ERC1: variants seen among roughly 807,000 people sequenced by gnomAD.
ERC1 encodes ELKS/RAB6-interacting/CAST family member 1.
ERC1 carries 56 observed loss-of-function variants against 132.0 expected under a neutral mutation model. That is an observed-to-expected ratio of 0.42 (90% CI 0.34 to 0.53). The LOEUF (loss-of-function observed/expected upper bound fraction) is 0.53, where lower values mean the gene tolerates loss of function less well. Ranked by LOEUF, ERC1 falls within the 20% of genes least tolerant of loss-of-function variation. The pLI, the probability that ERC1 is intolerant of heterozygous loss-of-function variation, is 0.03. For synonymous variants in ERC1, 478 were observed against 476.1 expected (o/e 1.00, Z -0.05); for missense variants, 1,202 against 1,349.9 (o/e 0.89, Z 1.72).
At chr12:1,108,434 C>T (rs965526036) in intron 4 of ERC1, among the ~76,000 whole-genome samples, 1 of 152,178 alleles carries the variant, frequency 6.6e-6, no homozygotes, top group Non-Finnish European at 1.5e-5. Flanking sequence ...GCTGGAGATA[C>T]ACTTCCCTCT....
chr12:1,139,766 C>A (rs1593633433), intron 7 of ERC1, among the ~76,000 whole-genome samples: 7 of 144,242 alleles, frequency 4.9e-5, no homozygotes, highest in African/African-American at 2.6e-5. Context: ...GGGAGGAAAA[C>A]AAAACAAAAC....
At chr12:1,104,881 A>G in intron 4 of ERC1, 57 bp downstream of exon 4, 2 of 1,174,230 alleles carry the variant, frequency 1.7e-6, no homozygotes, top group South Asian at 1.2e-5. Context: ...TAAGTGATCA[A>G]AAACTTCCAT....
chr12:1,072,657 T>C (rs1940615469), intron 2 of ERC1, among the ~76,000 whole-genome samples: 1 of 152,150 alleles, frequency 6.6e-6, no homozygotes, highest in Non-Finnish European at 1.5e-5. Context: ...TTTGTTGTTG[T>C]TTTTATTTCC....
intron 18 of ERC1, among the ~76,000 whole-genome samples, chr12:1,447,094 A>G (rs576744507): frequency 6.6e-5 from 10 of 152,258 alleles, no homozygotes; most frequent in Admixed American, 2.0e-4. Flanking sequence ...TGATAACCAT[A>G]TACTAAAAAT....
rs115955939 is a variant in ERC1 at position 1,206,169 on chromosome 12, C to G, written c.2351+16117C>G. 1.7e-3 allele frequency among the ~76,000 whole-genome samples: 264 copies of G among 152,170 alleles called. 1 individual carries two copies. Among genetic ancestry groups the G allele is most frequent in the Admixed American group, 4.6e-3 (70 of 15,272 alleles). On this transcript the variant is annotated intron_variant, in intron 12 of 18. Transcript: ENST00000360905. ...TGTAGTATGCAAAAGTTTAAAGTCT[C>G]TCTTCATTCCAGATTATGATTTAGT... is the stretch of plus-strand genomic sequence containing the variant.
intron 1 of ERC1, chr12:998,483 G>A (rs1961423393): frequency 1.3e-5 from 2 of 152,210 alleles, no homozygotes; most frequent in Admixed American, 6.5e-5. Context: ...TGCTGGAGAG[G>A]TGAGTCCCTT....
At chr12:1,370,845 C>T (rs1432769299) in intron 15 of ERC1, among the ~76,000 whole-genome samples, 1 of 152,044 alleles carries the variant, frequency 6.6e-6, no homozygotes, top group East Asian at 1.9e-4. Flanking sequence ...CTTAGTCTCC[C>T]GAGTAGTGAG....
intron 15 of ERC1, among the ~76,000 whole-genome samples, chr12:1,358,576 G>A (rs2085767292): frequency 6.6e-6 from 1 of 152,114 alleles, no homozygotes; most frequent in African/African-American, 2.4e-5. Context: ...CAGAAACTCA[G>A]TAGGTCTGGA....
chr12:1,203,952 A>C (rs911032148), intron 12 of ERC1: 1 of 152,486 alleles, frequency 6.6e-6, no homozygotes, highest in Non-Finnish European at 1.5e-5. Flanking sequence ...TTATTAGGAG[A>C]AAATTATGTT....
At chr12:1,448,373 C>T (rs2093353836) in intron 18 of ERC1, among the ~76,000 whole-genome samples, 4 of 152,238 alleles carry the variant, frequency 2.6e-5, no homozygotes, top group Admixed American at 2.6e-4. Flanking sequence ...TTCATAGCTT[C>T]TAAAGGTTGG....
intron 12 of ERC1, among the ~76,000 whole-genome samples, chr12:1,205,111 G>C (rs901929498): frequency 4.6e-5 from 7 of 152,156 alleles, no homozygotes; most frequent in Admixed American, 1.3e-4. Context: ...ACTATGAAGA[G>C]AGATTTATTA....
Position 1,083,585 on chromosome 12 carries a change from G to A in ERC1, c.1086+5G>A, listed in dbSNP as rs1166853715. 2 of 1,568,492 alleles carry A rather than the reference G, an allele frequency of 1.3e-6. No homozygotes were observed. Among genetic ancestry groups the A allele is most frequent in the Admixed American group, 2.1e-5 (1 of 47,960 alleles). On this transcript the variant is annotated splice_donor_5th_base_variant and intron_variant, in intron 3 of 18. Transcript: ENST00000360905. ...GAGAACAGTATGTTGAGAGAGGTAT[G>A]TGACTACTTTTTTAGTTTTATGATT...
rs1432191777 is a variant in ERC1 at position 1,096,048 on chromosome 12, C to T, written c.1087-8702C>T. On this transcript the variant is annotated intron_variant, in intron 3 of 18. Transcript: ENST00000360905. ...TCAAGCAGTCCTCCTGCCTCAGCCC[C>T]CGCAAGTGGCTGGGACTACACATGA... Among the ~76,000 whole-genome samples, 8 of 152,064 alleles carry T rather than the reference C, an allele frequency of 5.3e-5. No homozygotes were observed. In the South Asian group the frequency reaches 8.3e-4, roughly 16 times the overall value.
At chr12:1,112,157 G>A (rs892674518) in intron 5 of ERC1, 58 bp from the exon 6 acceptor site, 1 of 1,168,538 alleles carries the variant, frequency 8.6e-7, no homozygotes, top group Non-Finnish European at 1.3e-6. Context: ...CTCAAAAGTA[G>A]ACAAGAAGAA....
At position 1,493,548 on chromosome 12, in the gene ERC1, A is replaced by AAAAAAAAATATATATAT. The variant is rs56939346; in HGVS notation, c.*3319_*3320insAAAAAAATATATATATA. ...ACTCCATTTAAAAAAAAAAAAAAAAAATATATATATATATATATATATATA... is the reference window on the plus strand; with the variant it reads ...ACTCCATTTAAAAAAAAAAAAAAAAAAAAAAAAATATATATATATATATATATATATATATATATATA... On this transcript the variant is annotated 3_prime_UTR_variant, in exon 19 of 19. Coordinates refer to ENST00000360905, the MANE Select transcript of ERC1 (RefSeq NM_178040.4). 1 of 13,618 alleles carries AAAAAAAAATATATATAT rather than the reference A, an allele frequency of 7.3e-5. No individual in the cohort carries two copies. Among genetic ancestry groups the AAAAAAAAATATATATAT allele is most frequent in the African/African-American group, 2.2e-4 (1 of 4,554 alleles). The allele number at this position is 13,618 out of a possible 1,614,324, so 0.8% of individuals were successfully genotyped here.
rs202123780 is a variant in ERC1 at position 1,121,681 on chromosome 12, A to G, written c.1569+5648A>G. The stretch of plus-strand genomic sequence containing the variant: ...TCTATCTCTATCTCTATCTCTATCT[A>G]TCTCTATCTCTATCTCTATCTCTAT... On this transcript the variant is annotated intron_variant, in intron 7 of 18. Transcript: ENST00000360905. 3.3e-3 allele frequency among the ~76,000 whole-genome samples: 118 copies of G among 36,274 alleles called. 9 individuals carry two copies. The highest frequency in any genetic ancestry group is 4.8e-3 in the African/African-American group (53 of 11,080). The allele number at this position is 36,274 out of a possible 152,430, so 23.8% of individuals were successfully genotyped here. A position where few individuals can be genotyped will look rare whatever the true frequency, so the allele number is the denominator to read the frequency against.
intron 8 of ERC1, among the ~76,000 whole-genome samples, chr12:1,154,702 TAAATC>T (rs368577763): frequency 9.3e-5 from 14 of 151,316 alleles, no homozygotes; most frequent in African/African-American, 2.4e-4. Flanking sequence ...ACAAGGAACT[TAAATC>T]AACAAGAAAA....
chr12:1,406,048 G>A (rs940387364), intron 16 of ERC1, among the ~76,000 whole-genome samples: 1 of 152,166 alleles, frequency 6.6e-6, no homozygotes, highest in Non-Finnish European at 1.5e-5. Context: ...TGATAATGAT[G>A]ATAGCTAAAA....
rs1280863306 is a variant in ERC1, at chr12:1,245,821, C to G, written c.2487+8917C>G. On this transcript the variant is annotated intron_variant, in intron 13 of 18. Transcript: ENST00000360905. ...GGTGCCACTCAGTTGTATCCTATTT[C>G]TACCTTTGTGTTTTGGACAGTTAAT... is the stretch of plus-strand genomic sequence containing the variant. 3.9e-5 allele frequency among the ~76,000 whole-genome samples: 6 copies of G among 152,306 alleles called. No individual in the cohort carries two copies. The East Asian group carries it at 1.2e-3, about 29-fold the overall frequency.
Sources: allele counts gnomAD v4.1 joint callset (sites outside exome capture counted in the v4.1 genomes callset), GRCh38; gene constraint gnomAD v4.1.1; transcripts MANE v1.5; gene names NCBI Gene and HGNC (gene_info 2026-07-23, HGNC 2026-07-21).